NAA11: variants seen among roughly 807,000 people sequenced by gnomAD.
The protein encoded by NAA11 is N-alpha-acetyltransferase 11, NatA catalytic subunit.
NAA11 carries 15 observed loss-of-function variants against 16.1 expected under a neutral mutation model. The ratio of observed to expected loss-of-function variants is 0.93; its 90% CI spans 0.62 to 1.44. NAA11 has a LOEUF of 1.44. NAA11 is among the 40% of genes most tolerant of loss of function. The pLI, the probability that NAA11 is intolerant of heterozygous loss-of-function variation, is 0.00. For missense variants in NAA11, 298 were observed against 291.3 expected, an observed-to-expected ratio of 1.02 and a Z score of -0.17; for synonymous variants, 122 against 112.4, an observed-to-expected ratio of 1.09 and a Z score of -0.54.
chr4:79,177,689 C>T, the NAA11 span, among the ~76,000 whole-genome samples: 1 of 151,994 alleles, frequency 6.6e-6, no homozygotes, highest in South Asian at 2.1e-4. Context: ...AATAACAGGT[C>T]AGGGTATACT....
intron 2 of NAA11, among the ~76,000 whole-genome samples, chr4:79,229,506 A>C (rs1400273366): frequency 6.6e-6 from 1 of 152,102 alleles, no homozygotes; most frequent in Non-Finnish European, 1.5e-5. Context: ...CATCTTAGAT[A>C]CACACGAGTT....
chr4:79,269,777 C>G (rs1384814634), intron 2 of NAA11, among the ~76,000 whole-genome samples: 1 of 138,698 alleles, frequency 7.2e-6, no homozygotes, highest in Non-Finnish European at 1.6e-5. Flanking sequence ...AGTCCTTGCC[C>G]ATGCCTATGT....
At chr4:79,178,507 A>T in the NAA11 span, among the ~76,000 whole-genome samples, 1 of 152,228 alleles carries the variant, frequency 6.6e-6, no homozygotes, top group South Asian at 2.1e-4. Flanking sequence ...AAGAATAATC[A>T]TAGGTCAGAA....
At chr4:79,234,820 C>T (rs547248336) in intron 2 of NAA11, among the ~76,000 whole-genome samples, 16 of 152,076 alleles carry the variant, frequency 1.1e-4, no homozygotes, top group African/African-American at 3.6e-4. Context: ...TAATCATGTA[C>T]GTTTTCTCTT....
chr4:79,251,469 T>C (rs1721992563), intron 2 of NAA11, among the ~76,000 whole-genome samples: 1 of 152,164 alleles, frequency 6.6e-6, no homozygotes, highest in South Asian at 2.1e-4. Flanking sequence ...CACTGGGGCC[T>C]ACTTGAGAGT....
the NAA11 span, among the ~76,000 whole-genome samples, chr4:79,216,702 A>G: frequency 1.3e-5 from 2 of 152,166 alleles, no homozygotes; most frequent in African/African-American, 4.8e-5. Context: ...ATAAAAAGAA[A>G]ATCTATGTTC....
At chr4:79,173,586 G>A in the NAA11 span, among the ~76,000 whole-genome samples, 1 of 152,032 alleles carries the variant, frequency 6.6e-6, no homozygotes, top group Non-Finnish European at 1.5e-5. Context: ...TAGGATTTTG[G>A]AAAGAGGCTG....
the NAA11 span, among the ~76,000 whole-genome samples, chr4:79,208,859 A>AAAAT: frequency 6.7e-6 from 1 of 149,886 alleles, no homozygotes; most frequent in Non-Finnish European, 1.5e-5. Context: ...TAAATAAATT[A>AAAAT]AAATAAATTC....
chr4:79,190,190 ATTC>A, the NAA11 span, among the ~76,000 whole-genome samples: 2 of 152,208 alleles, frequency 1.3e-5, no homozygotes, highest in East Asian at 1.9e-4. Flanking sequence ...CTTGAAAGTT[ATTC>A]TTCTGTGCAC....
downstream of NAA11, among the ~76,000 whole-genome samples, chr4:79,314,494 A>G (rs1296724364): frequency 6.6e-6 from 1 of 152,128 alleles, no homozygotes; most frequent in Non-Finnish European, 1.5e-5. Context: ...AAGAAACTGC[A>G]TTTTTAACAT....
chr4:79,291,880 C>T (rs1466063705), intron 2 of NAA11, among the ~76,000 whole-genome samples: 1 of 152,046 alleles, frequency 6.6e-6, no homozygotes, highest in Non-Finnish European at 1.5e-5. Context: ...AATTAAAATG[C>T]TTCCCCAAAA....
chr4:79,291,936 G>C (rs961824234), intron 2 of NAA11, among the ~76,000 whole-genome samples: 2 of 152,102 alleles, frequency 1.3e-5, no homozygotes, highest in Admixed American at 6.5e-5. Context: ...TCAATTTCTA[G>C]TTAAATCCAT....
chr4:79,320,082 C>T (rs887806906), intron 1 of NAA11, among the ~76,000 whole-genome samples: 1 of 152,128 alleles, frequency 6.6e-6, no homozygotes, highest in Non-Finnish European at 1.5e-5. Context: ...TAATCAAGCA[C>T]ATATTTCTTG....
chr4:79,301,355 C>G (rs1465222401), intron 1 of NAA11, among the ~76,000 whole-genome samples: 1 of 152,136 alleles, frequency 6.6e-6, no homozygotes, highest in East Asian at 1.9e-4. Context: ...CTTGAATAGT[C>G]CTGTGCACAA....
chr4:79,326,009 G>A lies in NAA11; in HGVS notation c.-132C>T, dbSNP rs1724270967. The A allele has an allele frequency of 1.4e-6, 1 of 733,586 alleles. No individual in the cohort carries two copies. The highest frequency in any genetic ancestry group is 2.9e-5 in the Admixed American group (1 of 34,054). 45.4% of individuals were successfully genotyped at this position (733,586 alleles called of 1,614,324 possible). A position where few individuals can be genotyped will look rare whatever the true frequency, so the allele number is the denominator to read the frequency against. On this transcript the variant is annotated 5_prime_UTR_variant, in exon 1 of 2. Coordinates refer to ENST00000286794, the MANE Select transcript of NAA11 (RefSeq NM_032693.3). ...ACCACCGGGCTGAATCGTGTGGAGG[G>A]CGGATGGCGGGAAGGCGGAAGGAGC...
intron 2 of NAA11, among the ~76,000 whole-genome samples, chr4:79,235,627 C>T (rs374566126): frequency 6.6e-6 from 1 of 152,088 alleles, no homozygotes; most frequent in African/African-American, 2.4e-5. Context: ...TTGCTGTTAA[C>T]AGGATAGTTA....
At chr4:79,315,253 A>G (rs567368626), downstream of NAA11, among the ~76,000 whole-genome samples, 56 of 152,314 alleles carry the variant, frequency 3.7e-4, no homozygotes, top group African/African-American at 1.3e-3. Context: ...CTGCACATAA[A>G]AAATAAAGAA....
At chr4:79,224,878 A>C (rs1352093000), downstream of NAA11, among the ~76,000 whole-genome samples, 1 of 152,124 alleles carries the variant, frequency 6.6e-6, no homozygotes, top group African/African-American at 2.4e-5. Context: ...TCATGCAAAA[A>C]ATATCAGACA....
At chr4:79,202,623 T>TTATTTATATATATATATATATATA in the NAA11 span, among the ~76,000 whole-genome samples, 2 of 52,622 alleles carry the variant, frequency 3.8e-5, no homozygotes, top group African/African-American at 9.1e-5. Context: ...ATATATAGTT[T>TTATTTATATATATATATATATATA]TATATATATA....
Sources: gnomAD v4.1 joint callset for allele counts (sites outside exome capture counted in the v4.1 genomes callset) on GRCh38, gnomAD v4.1.1 for gene constraint, MANE v1.5 for transcripts, NCBI Gene and HGNC (gene_info 2026-07-23, HGNC 2026-07-21) for gene names.